Variants in B3GALT1 observed in about 807,000 individuals in gnomAD.
The protein encoded by B3GALT1 is beta-1,3-galactosyltransferase 1.
B3GALT1 carries 10 observed loss-of-function variants against 23.2 expected under a neutral mutation model. The observed-to-expected ratio is 0.43, with a 90% CI of 0.27 to 0.73. The LOEUF (loss-of-function observed/expected upper bound fraction) is 0.73. B3GALT1 is among the 30% of genes least tolerant of loss of function. The pLI, the probability that B3GALT1 is intolerant of heterozygous loss-of-function variation, is 0.21. For missense variants in B3GALT1, 299 were observed against 405.4 expected, an observed-to-expected ratio of 0.74 and a Z score of 2.25; for synonymous variants, 156 against 141.5, an observed-to-expected ratio of 1.10 and a Z score of -0.73.
At chr2:167,788,384 C>T (rs1407112814) in intron 3 of B3GALT1, among the ~76,000 whole-genome samples, 1 of 151,880 alleles carries the variant, frequency 6.6e-6, no homozygotes, top group Non-Finnish European at 1.5e-5. Context: ...CTACAACTTG[C>T]CATAATGTAG....
chr2:167,392,823 A>G (rs892987771), intron 1 of B3GALT1, among the ~76,000 whole-genome samples: 1 of 152,192 alleles, frequency 6.6e-6, no homozygotes, highest in East Asian at 1.9e-4. Context: ...TACATAAATC[A>G]TTCATGCCAA....
At chr2:167,755,083 A>G (rs1040657968) in intron 3 of B3GALT1, among the ~76,000 whole-genome samples, 1 of 152,150 alleles carries the variant, frequency 6.6e-6, no homozygotes, top group Admixed American at 6.5e-5. Context: ...CCCCAGTTTC[A>G]AACAGATTCT....
chr2:167,448,683 T>C (rs1021555870), intron 1 of B3GALT1, among the ~76,000 whole-genome samples: 1 of 152,172 alleles, frequency 6.6e-6, no homozygotes, highest in Admixed American at 6.5e-5. Flanking sequence ...CCTAAGCCAA[T>C]GTCTAGAAGG....
intron 2 of B3GALT1, among the ~76,000 whole-genome samples, chr2:167,533,748 T>C (rs1279949235): frequency 6.6e-6 from 1 of 152,222 alleles, no homozygotes; most frequent in Non-Finnish European, 1.5e-5. Flanking sequence ...ATTTATTTGC[T>C]CACTATTCCT....
chr2:167,445,859 T>A (rs1407995083), intron 1 of B3GALT1, among the ~76,000 whole-genome samples: 1 of 152,202 alleles, frequency 6.6e-6, no homozygotes, highest in African/African-American at 2.4e-5. Context: ...TTTAGCCCAT[T>A]TACACTTAAG....
At chr2:167,583,469 C>T (rs560192789) in intron 2 of B3GALT1, among the ~76,000 whole-genome samples, 25 of 152,142 alleles carry the variant, frequency 1.6e-4, no homozygotes, top group Admixed American at 4.6e-4. Flanking sequence ...TTAGACAACT[C>T]GGGGAATGTC....
intron 2 of B3GALT1, among the ~76,000 whole-genome samples, chr2:167,518,583 T>C (rs1700137125): frequency 2.0e-5 from 3 of 152,212 alleles, no homozygotes; most frequent in African/African-American, 4.8e-5. Flanking sequence ...ATAGCTGATA[T>C]CAGCATCATC....
In B3GALT1 at chr2:167,830,443, AT is replaced by A. The variant is rs577444604; in HGVS notation, c.-230+11651del. Among the ~76,000 whole-genome samples the A allele has an allele frequency of 1.8e-4, 27 of 152,292 alleles. No individual in the cohort carries two copies. The East Asian group carries it at 5.2e-3, about 29-fold the overall frequency. Reference sequence around the variant, plus strand: ...CAAATGTTCCCCAGCCTTCAGTGAAATGCTTTCAGGCTTTCACGTGAAAAGT... The same window carrying A: ...CAAATGTTCCCCAGCCTTCAGTGAAAGCTTTCAGGCTTTCACGTGAAAAGT... On this transcript the variant is annotated intron_variant, in intron 4 of 4. Transcript: ENST00000392690.
chr2:167,545,201 A>AT (rs1273727323), intron 2 of B3GALT1, among the ~76,000 whole-genome samples: 3 of 151,130 alleles, frequency 2.0e-5, no homozygotes, highest in Non-Finnish European at 4.4e-5. Flanking sequence ...CGCCCGGCTA[A>AT]TTTTTTTGTA....
At chr2:167,858,265 A>C (rs887005202) in intron 4 of B3GALT1, among the ~76,000 whole-genome samples, 3 of 151,702 alleles carry the variant, frequency 2.0e-5, no homozygotes, top group African/African-American at 4.8e-5. Context: ...AGGCTCTGTC[A>C]AGTAAAATTG....
At chr2:167,460,669 T>C (rs1260227073) in intron 1 of B3GALT1, among the ~76,000 whole-genome samples, 1 of 152,042 alleles carries the variant, frequency 6.6e-6, no homozygotes, top group African/African-American at 2.4e-5. Flanking sequence ...TTTTTATGCC[T>C]TGTGATTTTT....
intron 1 of B3GALT1, among the ~76,000 whole-genome samples, chr2:167,313,595 C>T (rs1037203291): frequency 5.3e-5 from 8 of 152,210 alleles, no homozygotes; most frequent in African/African-American, 1.9e-4. Flanking sequence ...TCATCCCATT[C>T]GTTTCTTGAA....
At chr2:167,470,522 T>C (rs1404527309) in intron 1 of B3GALT1, among the ~76,000 whole-genome samples, 3 of 152,142 alleles carry the variant, frequency 2.0e-5, no homozygotes, top group African/African-American at 7.2e-5. Flanking sequence ...TGAGGTTATT[T>C]TAATAATTAT....
At chr2:167,776,487 A>G (rs1274237701) in intron 3 of B3GALT1, among the ~76,000 whole-genome samples, 1 of 152,220 alleles carries the variant, frequency 6.6e-6, no homozygotes, top group Admixed American at 6.5e-5. Flanking sequence ...GCAGTAAAGC[A>G]GAGAACACGA....
chr2:167,560,059 G>C (rs904038937), intron 2 of B3GALT1, among the ~76,000 whole-genome samples: 4 of 152,134 alleles, frequency 2.6e-5, no homozygotes, highest in African/African-American at 9.7e-5. Context: ...CAGAGAGAAA[G>C]GTCAGGTTAC....
chr2:167,544,824 C>T (rs908983883), intron 2 of B3GALT1, among the ~76,000 whole-genome samples: 4 of 152,044 alleles, frequency 2.6e-5, no homozygotes, highest in Admixed American at 6.6e-5. Context: ...TTTTCTCGAT[C>T]GAAGGGTTCG....
At chr2:167,625,980 T>C (rs1318253471) in intron 2 of B3GALT1, among the ~76,000 whole-genome samples, 1 of 97,380 alleles carries the variant, frequency 1.0e-5, no homozygotes, top group Admixed American at 1.1e-4. Context: ...TATATATATA[T>C]ATATATGACC....
intron 2 of B3GALT1, among the ~76,000 whole-genome samples, chr2:167,491,674 G>A (rs1699712220): frequency 1.3e-5 from 2 of 151,780 alleles, no homozygotes; most frequent in African/African-American, 4.8e-5. Context: ...AATTACCCAG[G>A]CGTGGTGGCG....
chr2:167,530,688 A>C (rs1683311629), intron 2 of B3GALT1, among the ~76,000 whole-genome samples: 1 of 152,226 alleles, frequency 6.6e-6, no homozygotes. Flanking sequence ...GCACTGAGGC[A>C]ATCATCCATC....
Sources: gnomAD v4.1 joint callset for allele counts (sites outside exome capture counted in the v4.1 genomes callset) on GRCh38, gnomAD v4.1.1 for gene constraint, MANE v1.5 for transcripts, NCBI Gene and HGNC (gene_info 2026-07-23, HGNC 2026-07-21) for gene names.